IQCM: variants seen among roughly 807,000 people sequenced by gnomAD.
IQCM encodes IQ domain-containing protein M.
In IQCM, 45 loss-of-function variants were observed where a neutral mutation model predicts 57.6. That is an observed-to-expected ratio of 0.78 (90% CI 0.62 to 1.00). The LOEUF is 1.00. Among genes scored for constraint, IQCM ranks in the 50% least tolerant of loss-of-function variants. The pLI is 0.00. For synonymous variants in IQCM, 148 were observed against 158.9 expected, an observed-to-expected ratio of 0.93 and a Z score of 0.51; for missense variants, 468 against 511.6, an observed-to-expected ratio of 0.91 and a Z score of 0.82.
chr4:149,786,275 C>G (rs1053654960), intron 2 of IQCM, among the ~76,000 whole-genome samples: 1 of 152,104 alleles, frequency 6.6e-6, no homozygotes, highest in African/African-American at 2.4e-5. Context: ...CAGGCAAGCT[C>G]CTTGAGTTGA....
chr4:149,376,684 A>C (rs1405725963), intron 13 of IQCM, among the ~76,000 whole-genome samples: 5 of 152,184 alleles, frequency 3.3e-5, no homozygotes, highest in African/African-American at 4.8e-5. Flanking sequence ...ATGAAACCAG[A>C]TTAATATTTA....
In IQCM at chr4:149,688,699, A is replaced by G. The variant is rs149179002; in HGVS notation, c.386-2231T>C. 1.1e-3 allele frequency among the ~76,000 whole-genome samples: 163 copies of G among 152,208 alleles called. 2 individuals are homozygous for G. In the East Asian group the frequency reaches 0.025, roughly 24 times the overall value. ...GGAGGCATCAGACTACCTGATTTCA[A>G]ACTATACTATAAGGCCATAGTCACC... On this transcript the variant is annotated intron_variant, in intron 5 of 13. Transcript: ENST00000636793.
intron 12 of IQCM, among the ~76,000 whole-genome samples, chr4:149,434,524 T>C (rs896122005): frequency 1.5e-4 from 23 of 152,098 alleles, no homozygotes; most frequent in African/African-American, 5.5e-4. Flanking sequence ...CCCAATTACA[T>C]ATATTTCCCT....
chr4:149,510,269 T>C (rs942127553), intron 12 of IQCM, among the ~76,000 whole-genome samples: 9 of 152,188 alleles, frequency 5.9e-5, no homozygotes, highest in Non-Finnish European at 1.3e-4. Flanking sequence ...TCGAATGTAC[T>C]CTTCTGGGAA....
At chr4:149,746,581 C>G (rs1400719983) in intron 2 of IQCM, among the ~76,000 whole-genome samples, 1 of 152,152 alleles carries the variant, frequency 6.6e-6, no homozygotes, top group East Asian at 1.9e-4. Flanking sequence ...GCTCTTCTCT[C>G]TTATGCAACT....
intron 8 of IQCM, among the ~76,000 whole-genome samples, chr4:149,615,773 A>G (rs1050486645): frequency 6.6e-6 from 1 of 152,202 alleles, no homozygotes; most frequent in African/African-American, 2.4e-5. Context: ...TGTTATATTT[A>G]TCTCTCTTCC....
At chr4:149,405,384 G>A (rs931174931) in intron 13 of IQCM, among the ~76,000 whole-genome samples, 13 of 150,300 alleles carry the variant, frequency 8.6e-5, no homozygotes, top group African/African-American at 3.2e-4. Flanking sequence ...CACGCAAGAA[G>A]AACATCACAC....
rs1000578210 is a variant in IQCM at position 149,769,168 on chromosome 4, G to A, written c.-48-26429C>T. ...TCTATCTCATTAAATATTCATGCAC[G>A]CCAGGTTTTCATACTTGGTCCTCTC... On this transcript the variant is annotated intron_variant, in intron 2 of 13. Transcript: ENST00000636793. Among the ~76,000 whole-genome samples, 10 of 151,776 alleles carry A rather than the reference G, an allele frequency of 6.6e-5. No individual in the cohort carries two copies. In the East Asian group the frequency reaches 7.7e-4, roughly 12 times the overall value.
At chr4:149,549,219 A>T (rs1412407566) in intron 11 of IQCM, among the ~76,000 whole-genome samples, 4 of 152,202 alleles carry the variant, frequency 2.6e-5, no homozygotes, top group Non-Finnish European at 5.9e-5. Flanking sequence ...TTAGATAATG[A>T]GCAAGAAAAT....
intron 2 of IQCM, among the ~76,000 whole-genome samples, chr4:149,809,164 G>T (rs1396516661): frequency 6.6e-6 from 1 of 152,012 alleles, no homozygotes; most frequent in African/African-American, 2.4e-5. Context: ...CCGGGAGGCT[G>T]AGGCAGGGGA....
At chr4:149,430,397 C>T (rs1314156083) in intron 13 of IQCM, among the ~76,000 whole-genome samples, 3 of 151,848 alleles carry the variant, frequency 2.0e-5, no homozygotes, top group Non-Finnish European at 4.4e-5. Flanking sequence ...ATAAAGTGTA[C>T]TATTTAATAA....
At chr4:149,355,309 T>C (rs1487219749) in intron 13 of IQCM, among the ~76,000 whole-genome samples, 2 of 152,178 alleles carry the variant, frequency 1.3e-5, no homozygotes, top group African/African-American at 4.8e-5. Context: ...TTGTTACATA[T>C]GTATACATGT....
At chr4:149,425,217 C>T in intron 13 of IQCM, among the ~76,000 whole-genome samples, 1 of 151,956 alleles carries the variant, frequency 6.6e-6, no homozygotes, top group East Asian at 1.9e-4. Flanking sequence ...ACAATTTTGT[C>T]ATCATAGTAA....
At chr4:149,422,600 C>T (rs940622472) in intron 13 of IQCM, among the ~76,000 whole-genome samples, 1 of 151,972 alleles carries the variant, frequency 6.6e-6, no homozygotes, top group African/African-American at 2.4e-5. Context: ...GGAGATTGTG[C>T]ATGTGCGTGT....
At chr4:149,495,061 A>G (rs1359886569) in intron 12 of IQCM, among the ~76,000 whole-genome samples, 1 of 152,088 alleles carries the variant, frequency 6.6e-6, no homozygotes, top group Non-Finnish European at 1.5e-5. Flanking sequence ...AAAGGTAGAG[A>G]TAAAGAGCCC....
At chr4:149,780,744 A>G (rs1387915544) in intron 2 of IQCM, among the ~76,000 whole-genome samples, 1 of 152,126 alleles carries the variant, frequency 6.6e-6, no homozygotes, top group Non-Finnish European at 1.5e-5. Context: ...GAGCAGGTCT[A>G]GAGGTGAAAA....
intron 12 of IQCM, among the ~76,000 whole-genome samples, chr4:149,548,174 A>C (rs1748648280): frequency 6.6e-6 from 1 of 152,148 alleles, no homozygotes; most frequent in African/African-American, 2.4e-5. Context: ...TTATATCCAA[A>C]AATACTTAAA....
intron 2 of IQCM, among the ~76,000 whole-genome samples, chr4:149,746,721 A>T (rs1418008849): frequency 6.6e-6 from 1 of 152,130 alleles, no homozygotes; most frequent in Admixed American, 6.6e-5. Context: ...GGGCAAGAAG[A>T]TCTCTAAGAC....
chr4:149,705,949 T>TG (rs1764126900), intron 5 of IQCM, among the ~76,000 whole-genome samples: 1 of 151,926 alleles, frequency 6.6e-6, no homozygotes, highest in Admixed American at 6.6e-5. Flanking sequence ...GTATGCCCCA[T>TG]GTAACTTGGT....
Sources: allele counts gnomAD v4.1 joint callset (sites outside exome capture counted in the v4.1 genomes callset), GRCh38; gene constraint gnomAD v4.1.1; transcripts MANE v1.5; gene names NCBI Gene and HGNC (gene_info 2026-07-23, HGNC 2026-07-21).